ZEB2: variants seen among roughly 807,000 people sequenced by gnomAD.
ZEB2 encodes the protein zinc finger E-box-binding homeobox 2.
In ZEB2, 6 loss-of-function variants were observed where a neutral mutation model predicts 99.9. The observed-to-expected ratio is 0.06, with a 90% CI of 0.03 to 0.12. The LOEUF is 0.12. ZEB2 is among the 10% of genes least tolerant of loss of function. The pLI is 1.00. For synonymous variants in ZEB2, 517 were observed against 542.5 expected, an observed-to-expected ratio of 0.95 and a Z score of 0.65; for missense variants, 969 against 1,502.8, an observed-to-expected ratio of 0.64 and a Z score of 5.87.
At chr2:144,513,040 G>A in intron 2 of ZEB2, 6 of 1,287,230 alleles carry the variant, frequency 4.7e-6, no homozygotes, top group Non-Finnish European at 5.1e-6. Flanking sequence ...AAACTTCCTT[G>A]TCTAAGTGTG....
chr2:144,477,798 A>G (rs1178246172), intron 2 of ZEB2, among the ~76,000 whole-genome samples: 2 of 152,220 alleles, frequency 1.3e-5, no homozygotes, highest in Non-Finnish European at 2.9e-5. Flanking sequence ...AGAGAGACTT[A>G]TTACCTTACA....
At chr2:144,422,722 C>T (rs775280639) in intron 4 of ZEB2, among the ~76,000 whole-genome samples, 9 of 152,142 alleles carry the variant, frequency 5.9e-5, no homozygotes, top group Non-Finnish European at 1.3e-4. Context: ...ATCGCTTGAA[C>T]CTGGGAGGGA....
intron 3 of ZEB2, among the ~76,000 whole-genome samples, chr2:144,425,530 A>G (rs1703680950): frequency 6.6e-6 from 1 of 152,200 alleles, no homozygotes; most frequent in African/African-American, 2.4e-5. Flanking sequence ...AGGTAATCAT[A>G]ATCATTTTCT....
At position 144,478,094 on chromosome 2, in the gene ZEB2, G is replaced by A. The variant is rs368176184; in HGVS notation, c.73+39184C>T. ...CTGAGACAGATTGCGACACATGTTC[G>A]GCTCACTCATGCACAAGAAGCAATA... On this transcript the variant is annotated intron_variant, in intron 2 of 9. Coordinates refer to ENST00000627532, the MANE Select transcript of ZEB2 (RefSeq NM_014795.4). Among the ~76,000 whole-genome samples the A allele has an allele frequency of 2.4e-4, 37 of 152,214 alleles. No homozygotes were observed. In the South Asian group the frequency reaches 7.5e-3, roughly 31 times the overall value.
chr2:144,410,085 G>C (rs548722186), intron 4 of ZEB2, among the ~76,000 whole-genome samples: 6 of 151,810 alleles, frequency 4.0e-5, no homozygotes, highest in African/African-American at 7.3e-5. Context: ...CTAATTTTTC[G>C]TATTTTTAGT....
At chr2:144,432,095 T>A (rs569582212) in intron 2 of ZEB2, among the ~76,000 whole-genome samples, 7 of 151,834 alleles carry the variant, frequency 4.6e-5, no homozygotes, top group African/African-American at 1.4e-4. Flanking sequence ...GCAATACAAT[T>A]GAAATATTTT....
In ZEB2 at chr2:144,387,062, T is replaced by TATAC. The variant is rs1553960497; in HGVS notation, c.*2388_*2389insGTAT. 18 of 146,202 alleles carry TATAC rather than the reference T, an allele frequency of 1.2e-4. No homozygotes were observed. In the East Asian group the frequency reaches 1.6e-3, roughly 13 times the overall value. 9.1% of individuals were successfully genotyped at this position (146,202 alleles called of 1,614,324 possible). A position where few individuals can be genotyped will look rare whatever the true frequency, so the allele number is the denominator to read the frequency against. On this transcript the variant is annotated 3_prime_UTR_variant, in exon 10 of 10. Coordinates refer to ENST00000627532, the MANE Select transcript of ZEB2 (RefSeq NM_014795.4). The stretch of plus-strand genomic sequence containing the variant: ...GTGTGTGTGTATATATATATATATA[T>TATAC]ACACACACACACATACACACTTTCT...
intron 2 of ZEB2, among the ~76,000 whole-genome samples, chr2:144,465,363 T>C (rs1704257003): frequency 6.6e-6 from 1 of 152,172 alleles, no homozygotes; most frequent in African/African-American, 2.4e-5. Flanking sequence ...GTAGTTTTTG[T>C]GATTGTGTTT....
intron 3 of ZEB2, among the ~76,000 whole-genome samples, chr2:144,425,499 C>T (rs1184755110): frequency 2.0e-5 from 3 of 152,184 alleles, no homozygotes; most frequent in Non-Finnish European, 2.9e-5. Flanking sequence ...GTCTTGTCCT[C>T]ATCATGATTT....
intron 2 of ZEB2, among the ~76,000 whole-genome samples, chr2:144,473,377 G>A (rs1284604611): frequency 1.3e-5 from 2 of 152,180 alleles, no homozygotes; most frequent in Non-Finnish European, 2.9e-5. Flanking sequence ...GGTCTCTTGT[G>A]GGAAGAGTGC....
intron 4 of ZEB2, among the ~76,000 whole-genome samples, chr2:144,410,477 C>T (rs1472715994): frequency 6.6e-6 from 1 of 152,008 alleles, no homozygotes; most frequent in Admixed American, 6.5e-5. Flanking sequence ...AAAATTCAAG[C>T]GATGTTAACA....
chr2:144,473,713 G>A (rs1704391309), intron 2 of ZEB2, among the ~76,000 whole-genome samples: 2 of 152,260 alleles, frequency 1.3e-5, no homozygotes, highest in South Asian at 2.1e-4. Context: ...TGTTACAGAG[G>A]TGCAGGGAAA....
At chr2:144,477,470 A>G (rs1420952658) in intron 2 of ZEB2, among the ~76,000 whole-genome samples, 2 of 152,212 alleles carry the variant, frequency 1.3e-5, no homozygotes, top group Admixed American at 6.5e-5. Context: ...CCAACAGCAC[A>G]TCATAAAATT....
At chr2:144,441,873 A>G (rs1395915999) in intron 2 of ZEB2, among the ~76,000 whole-genome samples, 4 of 152,230 alleles carry the variant, frequency 2.6e-5, no homozygotes, top group African/African-American at 9.6e-5. Flanking sequence ...TATTGATAAC[A>G]CATTATCTTA....
intron 1 of ZEB2, chr2:144,519,005 T>C (rs1328060257): frequency 2.6e-5 from 4 of 152,182 alleles, no homozygotes; most frequent in Non-Finnish European, 5.9e-5. Flanking sequence ...ATGTAAAATA[T>C]ATCAGTAGGT....
chr2:144,417,738 TTAGA>T (rs760688946), intron 4 of ZEB2, among the ~76,000 whole-genome samples: 55 of 152,076 alleles, frequency 3.6e-4, no homozygotes, highest in Admixed American at 1.0e-3. Context: ...AAAACTACAG[TTAGA>T]TAGGAGAAAT....
chr2:144,493,034 G>A (rs908987192), intron 2 of ZEB2, among the ~76,000 whole-genome samples: 12 of 152,150 alleles, frequency 7.9e-5, no homozygotes, highest in African/African-American at 2.9e-4. Context: ...ATTCTTTTTG[G>A]AGGAGATGCT....
chr2:144,512,935 C>T, intron 2 of ZEB2: 1 of 1,287,206 alleles, frequency 7.8e-7, no homozygotes, highest in Non-Finnish European at 1.0e-6. Flanking sequence ...AAACAGGCTC[C>T]CTAGAAGCTC....
intron 2 of ZEB2, chr2:144,511,523 A>G (rs749145197): frequency 1.6e-6 from 2 of 1,282,054 alleles, no homozygotes; most frequent in Non-Finnish European, 2.0e-6. Context: ...CATGGAGCCT[A>G]CTGATTATTA....
Sources: allele counts gnomAD v4.1 joint callset (sites outside exome capture counted in the v4.1 genomes callset), GRCh38; gene constraint gnomAD v4.1.1; transcripts MANE v1.5; gene names NCBI Gene and HGNC (gene_info 2026-07-23, HGNC 2026-07-21).